The following TSHR variants were observed in gnomAD, a reference collection of about 807,000 sequenced individuals.
TSHR encodes thyrotropin receptor.
TSHR carries 51 observed loss-of-function variants against 64.1 expected under a neutral mutation model. The observed-to-expected ratio is 0.80, with a 90% CI of 0.64 to 1.01. The LOEUF is 1.01. TSHR is among the 50% of genes least tolerant of loss of function. The probability of loss-of-function intolerance (pLI) is 0.00; values close to 1 mark genes in which losing one functional copy is unlikely to be tolerated. For synonymous variants in TSHR, 361 were observed against 361.9 expected, an observed-to-expected ratio of 1.00 and a Z score of 0.03; for missense variants, 877 against 942.8, an observed-to-expected ratio of 0.93 and a Z score of 0.91.
chr14:81,052,467 A>G (rs1266869123), intron 1 of TSHR: 4 of 152,144 alleles, frequency 2.6e-5, no homozygotes, highest in African/African-American at 7.2e-5. Context: ...TGTATTTTGC[A>G]ATCAGGTAGT....
intron 1 of TSHR, among the ~76,000 whole-genome samples, chr14:81,039,369 C>A (rs1189115749): frequency 6.6e-6 from 1 of 151,888 alleles, no homozygotes; most frequent in Non-Finnish European, 1.5e-5. Flanking sequence ...TATGATAATT[C>A]CACAGCTAAC....
chr14:80,978,129 A>T (rs866849462), intron 1 of TSHR, among the ~76,000 whole-genome samples: 1 of 141,212 alleles, frequency 7.1e-6, no homozygotes, highest in Non-Finnish European at 1.6e-5. Flanking sequence ...ACACACACAC[A>T]CATGCATGTG....
intron 1 of TSHR, among the ~76,000 whole-genome samples, chr14:81,022,339 A>G (rs951546656): frequency 1.3e-5 from 2 of 152,172 alleles, no homozygotes; most frequent in Admixed American, 1.3e-4. Flanking sequence ...TGTATGTGTC[A>G]ACTTGTGTTG....
At chr14:81,034,038 T>C (rs914595275) in intron 1 of TSHR, among the ~76,000 whole-genome samples, 56 of 152,338 alleles carry the variant, frequency 3.7e-4, no homozygotes, top group Admixed American at 3.5e-3. Context: ...CCTATCGGCC[T>C]GGAGCTTCCT....
At chr14:81,029,956 G>A (rs1884263952) in intron 1 of TSHR, among the ~76,000 whole-genome samples, 1 of 152,168 alleles carries the variant, frequency 6.6e-6, no homozygotes, top group South Asian at 2.1e-4. Flanking sequence ...GTATGGGATG[G>A]ATATGCTAGG....
chr14:81,082,309 G>T (rs567941102), intron 3 of TSHR, among the ~76,000 whole-genome samples: 9 of 152,370 alleles, frequency 5.9e-5, no homozygotes, highest in African/African-American at 2.2e-4. Flanking sequence ...ATAAACCAGT[G>T]CAAGGCTCTT....
intron 1 of TSHR, among the ~76,000 whole-genome samples, chr14:81,028,258 T>A (rs1378620093): frequency 6.6e-6 from 1 of 152,074 alleles, no homozygotes; most frequent in East Asian, 1.9e-4. Flanking sequence ...GGAATGCTGG[T>A]TTACATCACA....
intron 1 of TSHR, among the ~76,000 whole-genome samples, chr14:80,986,892 G>A (rs183619303): frequency 4.6e-5 from 7 of 152,250 alleles, no homozygotes; most frequent in African/African-American, 7.2e-5. Context: ...CTTCTGATTC[G>A]TTATTCCACA....
intron 3 of TSHR, among the ~76,000 whole-genome samples, chr14:81,083,975 G>A (rs1888099338): frequency 6.6e-6 from 1 of 152,108 alleles, no homozygotes; most frequent in Admixed American, 6.5e-5. Flanking sequence ...GAACAGCATG[G>A]GGGAAGCACC....
intron 1 of TSHR, among the ~76,000 whole-genome samples, chr14:81,048,917 A>G (rs1885300108): frequency 1.3e-5 from 2 of 152,046 alleles, no homozygotes; most frequent in Non-Finnish European, 2.9e-5. Context: ...ATTTATTTCA[A>G]TGTTTAATAG....
intron 8 of TSHR, among the ~76,000 whole-genome samples, chr14:81,112,123 G>A (rs1356936112): frequency 1.3e-5 from 2 of 152,074 alleles, no homozygotes; most frequent in African/African-American, 4.8e-5. Context: ...CAAAGATGAG[G>A]AGTTATACCT....
intron 1 of TSHR, among the ~76,000 whole-genome samples, chr14:81,009,736 A>ATTTATAT (rs1889807604): frequency 6.6e-6 from 1 of 151,966 alleles, no homozygotes; most frequent in South Asian, 2.1e-4. Context: ...GCTATCTAGT[A>ATTTATAT]TTTTGTCATG....
At position 81,144,173 on chromosome 14, in the gene TSHR, A is replaced by G. The variant is rs375078827; in HGVS notation, c.2115A>G (p.Ala705=). ...GCATCTGTAAACGCCAGGCTCAGGC[A>G]TACCGGGGGCAGAGGGTTCCTCCAA... ...KFGICKRQAQ[A]YRGQRVPPKN... is the part of the protein sequence containing the mutation. Residue 705 remains alanine, a synonymous_variant, in exon 10 of 10, where the codon GCA becomes GCG. Coordinates refer to ENST00000298171, the MANE Select transcript of TSHR (RefSeq NM_000369.5). 3 of 1,614,082 alleles carry G rather than the reference A, an allele frequency of 1.9e-6. No homozygotes were observed. Among genetic ancestry groups the G allele is most frequent in the African/African-American group, 2.7e-5 (2 of 75,030 alleles).
chr14:80,963,249 T>G (rs1476870986), intron 1 of TSHR, among the ~76,000 whole-genome samples: 1 of 152,176 alleles, frequency 6.6e-6, no homozygotes. Context: ...TAACTCTAAA[T>G]TTTCCCAAGC....
chr14:81,109,707 T>G (rs988297542), intron 8 of TSHR, among the ~76,000 whole-genome samples: 6 of 152,214 alleles, frequency 3.9e-5, no homozygotes, highest in African/African-American at 1.4e-4. Context: ...TCAGACTGAA[T>G]GCACCCAGTG....
chr14:80,990,222 A>G (rs1424796125), intron 1 of TSHR, among the ~76,000 whole-genome samples: 1 of 152,240 alleles, frequency 6.6e-6, no homozygotes, highest in Non-Finnish European at 1.5e-5. Flanking sequence ...CAATGCAGTG[A>G]CTACTGCTTC....
chr14:80,992,465 T>C (rs546071437), intron 1 of TSHR: 1 of 151,928 alleles, frequency 6.6e-6, no homozygotes, highest in South Asian at 2.1e-4. Flanking sequence ...TCCATTTTCA[T>C]TGCACTTTAC....
intron 1 of TSHR, among the ~76,000 whole-genome samples, chr14:80,976,738 T>G (rs1249695192): frequency 6.6e-6 from 1 of 152,214 alleles, no homozygotes; most frequent in Non-Finnish European, 1.5e-5. Context: ...ATACAAGAAG[T>G]CCTGAATGCC....
chr14:81,096,972 T>C (rs1889247313), intron 7 of TSHR, among the ~76,000 whole-genome samples: 1 of 147,998 alleles, frequency 6.8e-6, no homozygotes, highest in Admixed American at 6.6e-5. Context: ...ATCTATTATG[T>C]ACATGAAGTA....
Sources: allele counts gnomAD v4.1 joint callset (sites outside exome capture counted in the v4.1 genomes callset), GRCh38; gene constraint gnomAD v4.1.1; transcripts MANE v1.5; gene names NCBI Gene and HGNC (gene_info 2026-07-23, HGNC 2026-07-21).